Variants in GALNTL6 observed in about 807,000 individuals in gnomAD.
The protein encoded by GALNTL6 is polypeptide N-acetylgalactosaminyltransferase like 6, also known as polypeptide N-acetylgalactosaminyltransferase-like 6.
GALNTL6 carries 46 observed loss-of-function variants against 73.7 expected under a neutral mutation model. The ratio of observed to expected loss-of-function variants is 0.62; its 90% confidence interval spans 0.49 to 0.80. The LOEUF (loss-of-function observed/expected upper bound fraction) is 0.80, where lower values mean the gene tolerates loss of function less well. Among genes scored for constraint, GALNTL6 ranks in the 30% least tolerant of loss-of-function variants. The pLI, the probability that GALNTL6 is intolerant of heterozygous loss-of-function variation, is 0.00. For synonymous variants in GALNTL6, 259 were observed against 263.7 expected (o/e 0.98, Z 0.17); for missense variants, 604 against 755.0 (o/e 0.80, Z 2.34).
In GALNTL6 at chr4:172,807,001, C is replaced by T. The variant is rs144339737; in HGVS notation, c.554-2360C>T. On this transcript the variant is annotated intron_variant, in intron 5 of 12. Transcript: ENST00000506823. Reference sequence around the variant, plus strand: ...CTTTCAAGACGCTGACACATAACGGCGTCCTTGTATTGGTCACTCATCGCT... The same window carrying T: ...CTTTCAAGACGCTGACACATAACGGTGTCCTTGTATTGGTCACTCATCGCT... 1.0e-3 allele frequency among the ~76,000 whole-genome samples: 157 copies of T among 152,302 alleles called. 1 individual carries two copies. The South Asian group carries it at 0.022, about 22-fold the overall frequency.
intron 2 of GALNTL6, among the ~76,000 whole-genome samples, chr4:171,918,375 T>A (rs965210853): frequency 2.0e-5 from 3 of 152,144 alleles, no homozygotes; most frequent in African/African-American, 7.2e-5. Context: ...AGTAATATGA[T>A]GTGTCATGTT....
In GALNTL6 at chr4:172,052,332, T is replaced by A. The variant is rs1730898889; in HGVS notation, c.139-177324T>A. 5 of 691,884 alleles carry A rather than the reference T, an allele frequency of 7.2e-6. No individual in the cohort carries two copies. The Admixed American group carries it at 1.1e-4, about 15-fold the overall frequency. The allele number at this position is 691,884 out of a possible 1,614,324, so 42.9% of individuals were successfully genotyped here. On this transcript the variant is annotated intron_variant, in intron 2 of 12. Transcript: ENST00000506823. ...GGAAGAGCTCGGGTATATTGTGAGC[T>A]TATTTAGAGATGGGCTTGAACACGC...
At chr4:172,310,468 G>A (rs1156986168) in intron 3 of GALNTL6, among the ~76,000 whole-genome samples, 2 of 151,794 alleles carry the variant, frequency 1.3e-5, no homozygotes, top group East Asian at 1.9e-4. Context: ...ACGGCATTTC[G>A]CCAGGTTGGC....
intron 2 of GALNTL6, among the ~76,000 whole-genome samples, chr4:171,924,134 A>C (rs968080383): frequency 6.6e-6 from 1 of 151,616 alleles, no homozygotes; most frequent in African/African-American, 2.4e-5. Context: ...GCCTCTGGGA[A>C]TAAAAGAACT....
At chr4:172,651,934 C>A (rs746155524) in intron 5 of GALNTL6, among the ~76,000 whole-genome samples, 4 of 152,096 alleles carry the variant, frequency 2.6e-5, no homozygotes, top group Non-Finnish European at 4.4e-5. Flanking sequence ...TCCCAAAGAC[C>A]AGAGACATAA....
intron 5 of GALNTL6, among the ~76,000 whole-genome samples, chr4:172,536,029 G>C (rs1026758801): frequency 1.1e-4 from 17 of 152,272 alleles, no homozygotes; most frequent in Admixed American, 1.1e-3. Flanking sequence ...TCTCATGATA[G>C]TGAGTTCTCA....
At chr4:172,854,421 A>C (rs1744017671) in intron 7 of GALNTL6, among the ~76,000 whole-genome samples, 1 of 152,246 alleles carries the variant, frequency 6.6e-6, no homozygotes, top group Non-Finnish European at 1.5e-5. Context: ...TAAACCAAAG[A>C]ATTAAAATGG....
intron 5 of GALNTL6, among the ~76,000 whole-genome samples, chr4:172,525,687 C>T (rs988324196): frequency 1.3e-5 from 2 of 151,984 alleles, no homozygotes; most frequent in Non-Finnish European, 2.9e-5. Flanking sequence ...AAAAGTGAGA[C>T]CCTCATTATA....
chr4:172,441,238 T>C (rs1413805612), intron 5 of GALNTL6, among the ~76,000 whole-genome samples: 1 of 152,140 alleles, frequency 6.6e-6, no homozygotes, highest in East Asian at 1.9e-4. Context: ...TATACACTCA[T>C]TGATATCCAA....
intron 2 of GALNTL6, among the ~76,000 whole-genome samples, chr4:171,872,251 G>A (rs909333670): frequency 3.3e-5 from 5 of 152,158 alleles, no homozygotes; most frequent in East Asian, 1.9e-4. Flanking sequence ...GCCTGAAGCC[G>A]TGGCTGAACT....
At chr4:171,936,447 G>A (rs1196061663) in intron 2 of GALNTL6, among the ~76,000 whole-genome samples, 2 of 152,114 alleles carry the variant, frequency 1.3e-5, no homozygotes, top group Non-Finnish European at 2.9e-5. Flanking sequence ...TGATGCAGAT[G>A]AGGCCAAGAA....
At chr4:172,621,072 AG>A (rs2111071272) in intron 5 of GALNTL6, among the ~76,000 whole-genome samples, 1 of 152,348 alleles carries the variant, frequency 6.6e-6, no homozygotes, top group Non-Finnish European at 1.5e-5. Context: ...TATTGATTAA[AG>A]CTTGTAAGGA....
intron 5 of GALNTL6, among the ~76,000 whole-genome samples, chr4:172,496,539 A>T (rs1021101804): frequency 6.6e-6 from 1 of 152,034 alleles, no homozygotes; most frequent in Non-Finnish European, 1.5e-5. Flanking sequence ...AATAAAAAAT[A>T]AAAAAATTAG....
rs1311475245 is a variant in GALNTL6 at position 171,967,655 on chromosome 4, T to G, written c.138+152937T>G. On this transcript the variant is annotated intron_variant, in intron 2 of 12. Coordinates refer to ENST00000506823, the MANE Select transcript of GALNTL6 (RefSeq NM_001034845.3). ...CTGTTAACATTTTCATTGCACTTAT[T>G]TTGTAATACAAAAATAACAAAGGAA... Among the ~76,000 whole-genome samples the G allele has an allele frequency of 2.0e-5, 3 of 152,186 alleles. No homozygotes were observed. The East Asian group carries it at 5.8e-4, about 29-fold the overall frequency.
intron 7 of GALNTL6, among the ~76,000 whole-genome samples, chr4:172,863,232 C>A (rs1194694621): frequency 6.6e-6 from 1 of 152,186 alleles, no homozygotes; most frequent in Non-Finnish European, 1.5e-5. Context: ...ACAGAGTCCC[C>A]ACTGGGGCAC....
At chr4:171,821,451 T>C (rs1477273980) in intron 2 of GALNTL6, among the ~76,000 whole-genome samples, 1 of 152,118 alleles carries the variant, frequency 6.6e-6, no homozygotes, top group East Asian at 1.9e-4. Flanking sequence ...GGTCAGAGTG[T>C]AGTCTCTAGA....
At chr4:172,361,284 A>C (rs1022374205) in intron 5 of GALNTL6, among the ~76,000 whole-genome samples, 1 of 105,362 alleles carries the variant, frequency 9.5e-6, no homozygotes, top group Non-Finnish European at 2.0e-5. Context: ...AATGTGTCTT[A>C]TTATTATTGA....
At chr4:171,983,820 T>C (rs1739987535) in intron 2 of GALNTL6, among the ~76,000 whole-genome samples, 1 of 152,142 alleles carries the variant, frequency 6.6e-6, no homozygotes, top group Admixed American at 6.5e-5. Context: ...TCCTAACAAC[T>C]GCTGCTGCTC....
chr4:172,207,037 T>C (rs887778561), intron 2 of GALNTL6, among the ~76,000 whole-genome samples: 1 of 151,466 alleles, frequency 6.6e-6, no homozygotes, highest in African/African-American at 2.4e-5. Context: ...CAGGATGATC[T>C]CAATCTCCTG....
Sources: allele counts gnomAD v4.1 joint callset (sites outside exome capture counted in the v4.1 genomes callset), GRCh38; gene constraint gnomAD v4.1.1; transcripts MANE v1.5; gene names NCBI Gene and HGNC (gene_info 2026-07-23, HGNC 2026-07-21).